Variants in ASS1 observed in about 807,000 individuals in gnomAD.
The protein encoded by ASS1 is argininosuccinate synthase.
In ASS1, 58 loss-of-function variants were observed where a neutral mutation model predicts 60.5. The ratio of observed to expected loss-of-function variants is 0.96; its 90% CI spans 0.78 to 1.19. The LOEUF (loss-of-function observed/expected upper bound fraction) is 1.19, where lower values mean the gene tolerates loss of function less well. Ranked by LOEUF, ASS1 falls within the 50% of genes most tolerant of loss-of-function variation. ASS1 has a pLI of 0.00. For missense variants in ASS1, 454 were observed against 547.3 expected (o/e 0.83, Z 1.70); for synonymous variants, 200 against 206.9 (o/e 0.97, Z 0.29).
intron 6 of ASS1, among the ~76,000 whole-genome samples, chr9:130,467,058 A>G (rs1845760048): frequency 6.6e-6 from 1 of 152,138 alleles, no homozygotes; most frequent in Non-Finnish European, 1.5e-5. Context: ...GCCAGAGGAC[A>G]CAGGGCTCAC....
intron 3 of ASS1, among the ~76,000 whole-genome samples, chr9:130,454,971 T>C (rs1845411751): frequency 1.4e-5 from 2 of 141,976 alleles, no homozygotes; most frequent in East Asian, 2.2e-4. Flanking sequence ...CATCTATCCA[T>C]CCATCCTCCG....
intron 13 of ASS1, among the ~76,000 whole-genome samples, chr9:130,496,593 TAAAAAAAAAA>T (rs56807719): frequency 9.4e-6 from 1 of 105,954 alleles, no homozygotes; most frequent in African/African-American, 3.6e-5. Flanking sequence ...ACTGTCTCTT[TAAAAAAAAAA>T]AAAAAAAAAA....
At chr9:130,499,368 G>A (rs1014078371) in intron 13 of ASS1, 137 bp from the exon 14 acceptor site, 23 of 888,710 alleles carry the variant, frequency 2.6e-5, no homozygotes, top group African/African-American at 1.8e-4. Flanking sequence ...GAAAGCCGAC[G>A]TGCAGGGAGG....
chr9:130,462,432 A>T (rs1295699002), intron 4 of ASS1, among the ~76,000 whole-genome samples: 1 of 152,164 alleles, frequency 6.6e-6, no homozygotes, highest in African/African-American at 2.4e-5. Context: ...AGGGGGAAGG[A>T]TTAGACTGGC....
At chr9:130,483,694 G>A (rs966846715) in intron 11 of ASS1, among the ~76,000 whole-genome samples, 3 of 147,352 alleles carry the variant, frequency 2.0e-5, no homozygotes, top group Admixed American at 6.7e-5. Flanking sequence ...TCCCCTCTCC[G>A]CTCTCCTCCC....
chr9:130,485,989 T>C (rs896601647), intron 11 of ASS1, among the ~76,000 whole-genome samples: 2 of 152,204 alleles, frequency 1.3e-5, no homozygotes, highest in African/African-American at 4.8e-5. Context: ...CATCATGTTT[T>C]GTTTTGTTTC....
intron 6 of ASS1, among the ~76,000 whole-genome samples, chr9:130,467,596 C>A (rs762513428): frequency 6.6e-6 from 1 of 152,162 alleles, no homozygotes; most frequent in Admixed American, 6.5e-5. Context: ...CCCATTAAGA[C>A]CTGGAGTGCT....
At position 130,478,898 on chromosome 9, in the gene ASS1, G is replaced by A. The variant is rs995497889; in HGVS notation, c.689-818G>A. Among the ~76,000 whole-genome samples, 2 of 152,214 alleles carry A rather than the reference G, an allele frequency of 1.3e-5. No homozygotes were observed. Among genetic ancestry groups the A allele is most frequent in the East Asian group, 1.9e-4 (1 of 5,192 alleles). ...CCTGGCTAATAAAGCCTCGAAAGCC[G>A]CTATTGAGGCCTGATTGGCACCCGA... is the stretch of plus-strand genomic sequence containing the variant. On this transcript the variant is annotated intron_variant, in intron 9 of 14. Transcript: ENST00000352480. The surrounding 1 kb of genome is among the most constrained non-coding windows in gnomAD (Gnocchi z 4.7).
Position 130,476,826 on chromosome 9 carries a change from A to G in ASS1, c.598-45A>G. ...GCGGGAGGTGGGCTGTAGGGTGTCC[A>G]GGGACTGGTATGTCATCTGCCCACC... On this transcript the variant is annotated intron_variant, in intron 8 of 14. Transcript: ENST00000352480. The surrounding 1 kb of genome is among the most constrained non-coding windows in gnomAD (Gnocchi z 4.9). The G allele has an allele frequency of 6.4e-7, 1 of 1,557,186 alleles. No individual in the cohort carries two copies. Among genetic ancestry groups the G allele is most frequent in the Non-Finnish European group, 8.9e-7 (1 of 1,129,290 alleles).
intron 8 of ASS1, among the ~76,000 whole-genome samples, chr9:130,474,978 G>C (rs1017711317): frequency 6.6e-6 from 1 of 152,246 alleles, no homozygotes; most frequent in South Asian, 2.1e-4. Flanking sequence ...CTGATGCAGG[G>C]ATACAGCTGG....
At chr9:130,471,366 C>T (rs1178615834) in intron 7 of ASS1, 119 bp from the exon 8 acceptor site, 7 of 1,298,668 alleles carry the variant, frequency 5.4e-6, no homozygotes, top group Non-Finnish European at 7.8e-6. Flanking sequence ...GCAGCAGATG[C>T]TCTGGCAGAG....
chr9:130,472,514 CTG>C (rs1845892632), intron 8 of ASS1, among the ~76,000 whole-genome samples: 2 of 152,308 alleles, frequency 1.3e-5, no homozygotes, highest in African/African-American at 2.4e-5. Context: ...GTTGAGGAAA[CTG>C]AGGCCCGGGC....
In ASS1 at chr9:130,459,097, G is replaced by A. The variant is rs545953078; in HGVS notation, c.363+508G>A. ...TTTCCCAGGGCGAGGGTAACAAAATGTCTCAAACTGGTGGCTTAGAACACA... is the reference window on the plus strand; with the variant it reads ...TTTCCCAGGGCGAGGGTAACAAAATATCTCAAACTGGTGGCTTAGAACACA... On this transcript the variant is annotated intron_variant, in intron 4 of 14. Coordinates refer to ENST00000352480, the MANE Select transcript of ASS1 (RefSeq NM_054012.4). This position sits in a 1 kb window ranked among gnomAD's most constrained non-coding sequence, Gnocchi z 4.6. Among the ~76,000 whole-genome samples the A allele has an allele frequency of 3.6e-4, 55 of 152,316 alleles. No homozygotes were observed. Among genetic ancestry groups the A allele is most frequent in the East Asian group, 2.1e-3 (11 of 5,164 alleles).
chr9:130,487,929 A>G (rs1354828662), intron 11 of ASS1, among the ~76,000 whole-genome samples: 1 of 151,764 alleles, frequency 6.6e-6, no homozygotes. Context: ...TTTTTTTGTT[A>G]TTTTTAGTAG....
chr9:130,482,919 G>A (rs373720013), intron 11 of ASS1, among the ~76,000 whole-genome samples: 128 of 152,292 alleles, frequency 8.4e-4, no homozygotes, highest in African/African-American at 2.7e-3. Context: ...GGATTCTGAC[G>A]GCAAGAACTT....
intron 6 of ASS1, among the ~76,000 whole-genome samples, chr9:130,467,394 G>A (rs1009819409): frequency 1.3e-5 from 2 of 152,146 alleles, no homozygotes; most frequent in African/African-American, 2.4e-5. Context: ...TCTTTTTAGC[G>A]ACTCGATGGC....
Position 130,459,125 on chromosome 9 carries a change from A to G in ASS1, c.363+536A>G, listed in dbSNP as rs1845522218. ...TCAAACTGGTGGCTTAGAACACAGA[A>G]CTGTTCTGCCTCATGGTTCTGGAGG... is the stretch of plus-strand genomic sequence containing the variant. On this transcript the variant is annotated intron_variant, in intron 4 of 14. Transcript: ENST00000352480. The surrounding 1 kb of genome is among the most constrained non-coding windows in gnomAD (Gnocchi z 4.6). Among the ~76,000 whole-genome samples, 1 of 152,130 alleles carries G rather than the reference A, an allele frequency of 6.6e-6. No homozygotes were observed. The highest frequency in any genetic ancestry group is 6.5e-5 in the Admixed American group (1 of 15,288).
In ASS1 at chr9:130,470,875, G is replaced by A; in HGVS notation, c.537G>A (p.Trp179Ter). 3 of 1,614,096 alleles carry A rather than the reference G, an allele frequency of 1.9e-6. No individual in the cohort carries two copies. Among genetic ancestry groups the A allele is most frequent in the Non-Finnish European group, 2.5e-6 (3 of 1,180,016 alleles). The stretch of plus-strand genomic sequence containing the variant: ...TCCCGGTCACTCCCAAGAACCCGTG[G>A]AGCATGGATGAGAACCTCATGCACA... Reference protein sequence around the residue: ...IPIPVTPKNPWSMDENLMHIS... With the variant: ...IPIPVTPKNP Residue 179 changes from tryptophan (W) to a stop codon, truncating the protein, a stop_gained, in exon 7 of 15, where the codon TGG (tryptophan) becomes TGA (stop). Transcript: ENST00000352480. LOFTEE classifies it high-confidence loss of function. This position sits in a 1 kb window ranked among gnomAD's most constrained non-coding sequence, Gnocchi z 4.3.
intron 1 of ASS1, among the ~76,000 whole-genome samples, chr9:130,450,993 C>T (rs187381299): frequency 7.9e-5 from 12 of 152,268 alleles, no homozygotes; most frequent in Admixed American, 2.6e-4. Flanking sequence ...AGGCCTGGGC[C>T]CACATCTGCC....
Sources: allele counts gnomAD v4.1 joint callset (sites outside exome capture counted in the v4.1 genomes callset), GRCh38; gene constraint gnomAD v4.1.1; non-coding constraint Gnocchi (gnomAD v3.1); transcripts MANE v1.5; gene names NCBI Gene and HGNC (gene_info 2026-07-23, HGNC 2026-07-21).